ATM: variants seen among roughly 807,000 people sequenced by gnomAD.
The protein encoded by ATM is ATM serine/threonine kinase.
Under a neutral mutation model 387.0 loss-of-function variants are expected in ATM, and 308 were observed. The observed-to-expected ratio is 0.80, with a 90% CI of 0.73 to 0.87. The LOEUF is 0.87. Ranked by LOEUF, ATM falls within the 40% of genes least tolerant of loss-of-function variation. The probability of loss-of-function intolerance (pLI) is 0.00; values close to 1 mark genes in which losing one functional copy is unlikely to be tolerated. For synonymous variants in ATM, 1,156 were observed against 1,187.3 expected, an observed-to-expected ratio of 0.97 and a Z score of 0.54; for missense variants, 3,312 against 3,560.9, an observed-to-expected ratio of 0.93 and a Z score of 1.78.
At position 108,282,729 on chromosome 11, in the gene ATM, A is replaced by G. The variant is rs876660855; in HGVS notation, c.3596A>G (p.Glu1199Gly). The G allele has an allele frequency of 6.2e-7, 1 of 1,613,342 alleles. No homozygotes were observed. ...LVKKVLEKVS[E>G]TFGYRRLEDF... ...GTGCAGGTTTTAGAGAAAGTTTCTG[A>G]AACTTTTGGATATAGACGTTTAGAA... The change falls in exon 25 of 63, where the codon GAA becomes GGA. Residue 1199 changes from glutamate to glycine, a missense_variant. Glu to Gly is a moderately conservative substitution (Grantham distance 98). Transcript: ENST00000675843.
chr11:108,362,076 T>C (rs1412362018), intron 61 of ATM, among the ~76,000 whole-genome samples: 1 of 135,036 alleles, frequency 7.4e-6, no homozygotes, highest in Admixed American at 7.8e-5. Context: ...ATCCAGAATC[T>C]ACAATGAACT....
chr11:108,297,614 C>T (rs2083197779), intron 33 of ATM, among the ~76,000 whole-genome samples: 1 of 152,128 alleles, frequency 6.6e-6, no homozygotes. Context: ...ACACATTTCT[C>T]AGAACATATC....
In ATM at chr11:108,337,409, A is replaced by T. The variant is rs527456916; in HGVS notation, c.8268+1448A>T. Among the ~76,000 whole-genome samples, 12 of 152,312 alleles carry T rather than the reference A, an allele frequency of 7.9e-5. No homozygotes were observed. In the East Asian group the frequency reaches 1.9e-3, roughly 24 times the overall value. On this transcript the variant is annotated intron_variant, in intron 56 of 62. Coordinates refer to ENST00000675843, the MANE Select transcript of ATM (RefSeq NM_000051.4). ...TCTATAAAGGCTACTCTGTAGAGGG[A>T]TTTCTTTGATGTGGTTAAGATCATT...
rs2086203030 is a variant in ATM, at chr11:108,331,257, A to T, written c.7516-187A>T. On this transcript the variant is annotated intron_variant, in intron 50 of 62. Coordinates refer to ENST00000675843, the MANE Select transcript of ATM (RefSeq NM_000051.4). ...AATATTTTGATTTACCAATGCATTA[A>T]TCTAGAGTACCCATTAGAAAGACCT... The T allele has an allele frequency of 2.3e-6, 3 of 1,327,304 alleles. No homozygotes were observed. In the East Asian group the frequency reaches 9.2e-5, roughly 41 times the overall value. 82.2% of individuals were successfully genotyped at this position (1,327,304 alleles called of 1,614,324 possible). A position where few individuals can be genotyped will look rare whatever the true frequency, so the allele number is the denominator to read the frequency against.
Position 108,274,619 on chromosome 11 carries a change from A to T in ATM, c.3284+1767A>T, listed in dbSNP as rs556134704. On this transcript the variant is annotated intron_variant, in intron 22 of 62. Transcript: ENST00000675843. ...ACTTACTTATTTCTGCCTTCATTTC[A>T]TTATTTACCTAGTAGTCATTCAGGA... Among the ~76,000 whole-genome samples the T allele has an allele frequency of 1.2e-4, 19 of 152,156 alleles. No homozygotes were observed. In the South Asian group the frequency reaches 3.9e-3, roughly 32 times the overall value.
At chr11:108,278,653 G>A (rs1258886494) in intron 22 of ATM, among the ~76,000 whole-genome samples, 1 of 152,172 alleles carries the variant, frequency 6.6e-6, no homozygotes, top group Non-Finnish European at 1.5e-5. Context: ...AGATCACATG[G>A]TGAGAGAGGA....
intron 26 of ATM, chr11:108,287,140 A>G (rs1273636654): frequency 6.5e-6 from 1 of 154,648 alleles, no homozygotes; most frequent in Non-Finnish European, 1.4e-5. Context: ...GGAAGAAGTT[A>G]CGCAGGGAAC....
chr11:108,243,104 G>A (rs1281267480), intron 5 of ATM, among the ~76,000 whole-genome samples: 1 of 151,988 alleles, frequency 6.6e-6, no homozygotes, highest in African/African-American at 2.4e-5. Flanking sequence ...TCTAGACCCA[G>A]CTACTTGGGA....
At position 108,365,632 on chromosome 11, in the gene ATM, G is replaced by T; in HGVS notation, c.*124G>T. 8.1e-7 allele frequency: 1 copy of T among 1,234,652 alleles called. No homozygotes were observed. Among genetic ancestry groups the T allele is most frequent in the Non-Finnish European group, 1.1e-6 (1 of 891,340 alleles). 76.5% of individuals were successfully genotyped at this position (1,234,652 alleles called of 1,614,324 possible). On this transcript the variant is annotated 3_prime_UTR_variant, in exon 63 of 63. Coordinates refer to ENST00000675843, the MANE Select transcript of ATM (RefSeq NM_000051.4). ...TAAGTGAACTATTGTGGGTTTTTTT[G>T]AATGTTGGTTTTAATACTTGATTTA...
intron 26 of ATM, among the ~76,000 whole-genome samples, chr11:108,285,013 G>A (rs2135715316): frequency 6.6e-6 from 1 of 152,214 alleles, no homozygotes; most frequent in East Asian, 1.9e-4. Flanking sequence ...AGACTGGAGT[G>A]CAGTGGCATG....
At chr11:108,314,412 C>G (rs750735568) in intron 40 of ATM, among the ~76,000 whole-genome samples, 11 of 151,784 alleles carry the variant, frequency 7.2e-5, no homozygotes, top group Non-Finnish European at 1.5e-4. Flanking sequence ...AGCCCATGTA[C>G]AGTTTTAGGT....
At chr11:108,258,506 A>T (rs2080648315) in intron 15 of ATM, among the ~76,000 whole-genome samples, 1 of 152,180 alleles carries the variant, frequency 6.6e-6, no homozygotes, top group African/African-American at 2.4e-5. Flanking sequence ...CACCTTACAT[A>T]ACATTTGGTA....
At position 108,321,856 on chromosome 11, in the gene ATM, T is replaced by TAGC. The variant is rs959734519; in HGVS notation, c.6572+437_6572+439dup. 2.5e-4 allele frequency among the ~76,000 whole-genome samples: 38 copies of TAGC among 152,224 alleles called. 1 individual carries two copies. Among genetic ancestry groups the TAGC allele is most frequent in the Admixed American group, 6.5e-5 (1 of 15,284 alleles). ...TCCTTTTATCAAGATATAAGTTGATTAGCCCTAGTGAATTGTGCTTTTATT... is the reference window on the plus strand; with the variant it reads ...TCCTTTTATCAAGATATAAGTTGATTAGCAGCCCTAGTGAATTGTGCTTTTATT... On this transcript the variant is annotated intron_variant, in intron 45 of 62. Transcript: ENST00000675843.
chr11:108,343,409 A>T (rs756574247), intron 57 of ATM, 38 bp downstream of exon 57: 2 of 1,610,210 alleles, frequency 1.2e-6, no homozygotes, highest in Non-Finnish European at 1.7e-6. Context: ...TTGTAAGATT[A>T]TTTAATGGCT....
Position 108,268,401 on chromosome 11 carries a change from T to G in ATM, c.2639-9T>G, listed in dbSNP as rs1457466709. ...TCTCTTAGTGTTAATGAGTGCTTTT[T>G]ATTTTTAGGTGCCATTAATCCTTTA... On this transcript the variant is annotated splice_polypyrimidine_tract_variant and intron_variant, in intron 17 of 62. Coordinates refer to ENST00000675843, the MANE Select transcript of ATM (RefSeq NM_000051.4). 1.2e-6 allele frequency: 2 copies of G among 1,613,010 alleles called. No individual in the cohort carries two copies. The highest frequency in any genetic ancestry group is 2.7e-5 in the African/African-American group (2 of 74,914).
intron 43 of ATM, among the ~76,000 whole-genome samples, chr11:108,319,276 G>A (rs2085012705): frequency 6.6e-6 from 1 of 152,110 alleles, no homozygotes; most frequent in African/African-American, 2.4e-5. Flanking sequence ...CTTTTCCTGT[G>A]CGAGTTGATT....
chr11:108,254,028 T>C lies in ATM; in HGVS notation c.2113T>C (p.Tyr705His), dbSNP rs757260641. The C allele has an allele frequency of 1.2e-6, 2 of 1,613,676 alleles. No homozygotes were observed. The highest frequency in any genetic ancestry group is 1.7e-6 in the Non-Finnish European group (2 of 1,179,858). The change falls in exon 13 of 63, where the codon TAC becomes CAC. Residue 705 changes from tyrosine to histidine, a missense_variant. By Grantham distance (83) the Tyr-to-His change is moderately conservative. Coordinates refer to ENST00000675843, the MANE Select transcript of ATM (RefSeq NM_000051.4). Reference sequence around the variant, plus strand: ...ATTATCAGAACAGCTTCTGAATAATTACTCATCTGAGGTGAGATTTTTTAA... The same window carrying C: ...ATTATCAGAACAGCTTCTGAATAATCACTCATCTGAGGTGAGATTTTTTAA... ...LGLSEQLLNN[Y>H]SSEITNSETL...
intron 15 of ATM, 138 bp from the exon 16 acceptor site, chr11:108,258,848 T>A (rs1208332758): frequency 4.4e-6 from 3 of 682,730 alleles, no homozygotes; most frequent in Non-Finnish European, 7.7e-6. Context: ...AAAAGATGTG[T>A]TTTTGAAGCA....
intron 56 of ATM, among the ~76,000 whole-genome samples, chr11:108,337,530 AT>A (rs1158198609): frequency 1.3e-5 from 2 of 152,192 alleles, no homozygotes; most frequent in African/African-American, 4.8e-5. Flanking sequence ...ATTCAGCAAG[AT>A]TAGGGTAGAA....
Sources: allele counts gnomAD v4.1 joint callset (sites outside exome capture counted in the v4.1 genomes callset), GRCh38; gene constraint gnomAD v4.1.1; transcripts MANE v1.5; gene names NCBI Gene and HGNC (gene_info 2026-07-23, HGNC 2026-07-21).